The following EFNA2 variants were observed in gnomAD, a reference collection of about 807,000 sequenced individuals.
The protein encoded by EFNA2 is ephrin-A2.
EFNA2 carries 18 observed loss-of-function variants against 19.7 expected under a neutral mutation model. The observed-to-expected ratio is 0.91, with a 90% CI of 0.63 to 1.35. The LOEUF is 1.35. EFNA2 is among the 40% of genes most tolerant of loss of function. EFNA2 has a pLI of 0.00. For missense variants in EFNA2, 303 were observed against 296.0 expected (o/e 1.02, Z -0.17); for synonymous variants, 187 against 137.8 (o/e 1.36, Z -2.50).
At position 1,294,019 on chromosome 19, in the gene EFNA2, G is replaced by A. The variant is rs940769002; in HGVS notation, c.141-1526G>A. 2.0e-5 allele frequency among the ~76,000 whole-genome samples: 3 copies of A among 152,224 alleles called. No homozygotes were observed. The highest frequency in any genetic ancestry group is 7.2e-5 in the African/African-American group (3 of 41,462). ...TGCGGCGGGCTCACCCCTGCAGGCC[G>A]GGGTGGCGGTGGCTGTGCCGGGCTA... On this transcript the variant is annotated intron_variant, in intron 1 of 3. Transcript: ENST00000215368. This position sits in a 1 kb window ranked among gnomAD's most constrained non-coding sequence, Gnocchi z 5.8.
At chr19:1,292,393 C>T (rs182028970) in intron 1 of EFNA2, among the ~76,000 whole-genome samples, 1 of 152,384 alleles carries the variant, frequency 6.6e-6, no homozygotes, top group East Asian at 1.9e-4. Context: ...AAAGTCCTCG[C>T]CTCTTGACCT....
Position 1,286,257 on chromosome 19 carries a change from C to T in EFNA2, c.89C>T (p.Ala30Val), listed in dbSNP as rs2144609571. 3 of 1,127,990 alleles carry T rather than the reference C, an allele frequency of 2.7e-6. No individual in the cohort carries two copies. Among genetic ancestry groups the T allele is most frequent in the African/African-American group, 3.4e-5 (2 of 59,082 alleles). 69.9% of individuals were successfully genotyped at this position (1,127,990 alleles called of 1,614,324 possible). Residue 30 changes from alanine to valine, a missense_variant, in exon 1 of 4, where the codon GCC becomes GTC. Coordinates refer to ENST00000215368, the MANE Select transcript of EFNA2 (RefSeq NM_001405.4). This position sits in a 1 kb window ranked among gnomAD's most constrained non-coding sequence, Gnocchi z 5.6. Reference protein sequence around the residue: ...PPPFARAEDAARANSDRYAVY... With the variant: ...PPPFARAEDAVRANSDRYAVY... ...CCCTTCGCGCGCGCCGAGGACGCCG[C>T]CCGCGCCAACTCGGACCGCTACGCC...
Position 1,294,974 on chromosome 19 carries a change from A to G in EFNA2, c.141-571A>G, listed in dbSNP as rs2081507250. ...AGGGACAGCTCGTGCAGAGGCCCGG[A>G]GTCAGGAACCCCCCGCCGGCCCTTT... On this transcript the variant is annotated intron_variant, in intron 1 of 3. Coordinates refer to ENST00000215368, the MANE Select transcript of EFNA2 (RefSeq NM_001405.4). The surrounding 1 kb of genome is among the most constrained non-coding windows in gnomAD (Gnocchi z 5.8). Among the ~76,000 whole-genome samples, 1 of 152,044 alleles carries G rather than the reference A, an allele frequency of 6.6e-6. No homozygotes were observed. Among genetic ancestry groups the G allele is most frequent in the African/African-American group, 2.4e-5 (1 of 41,386 alleles).
Position 1,299,820 on chromosome 19 carries a change from G to A in EFNA2, c.521-4G>A, listed in dbSNP as rs745610103. On this transcript the variant is annotated splice_polypyrimidine_tract_variant and splice_region_variant and intron_variant, in intron 3 of 3. Coordinates refer to ENST00000215368, the MANE Select transcript of EFNA2 (RefSeq NM_001405.4). ...GCTGAGCGTGCTGTCTCTGCCACCC[G>A]CAGACGAGACCCTGTACGAGGCTCC... 5.9e-5 allele frequency: 94 copies of A among 1,597,936 alleles called. No individual in the cohort carries two copies. Among genetic ancestry groups the A allele is most frequent in the Non-Finnish European group, 7.4e-5 (87 of 1,175,766 alleles).
At chr19:1,291,872 C>A (rs1051325474) in intron 1 of EFNA2, among the ~76,000 whole-genome samples, 25 of 152,346 alleles carry the variant, frequency 1.6e-4, no homozygotes, top group Non-Finnish European at 1.8e-4. Context: ...CTGGGTGAGC[C>A]TCTGCCTGGG....
chr19:1,299,994 C>T lies in EFNA2; in HGVS notation c.*49C>T, dbSNP rs1224470150. On this transcript the variant is annotated 3_prime_UTR_variant, in exon 4 of 4. Coordinates refer to ENST00000215368, the MANE Select transcript of EFNA2 (RefSeq NM_001405.4). The stretch of plus-strand genomic sequence containing the variant: ...CCTGCCTGGACGGCCCCGCCTGGAC[C>T]GCCTGACCTCGGCCCTCCGGACCCG... The T allele has an allele frequency of 7.7e-6, 12 of 1,552,208 alleles. No homozygotes were observed. Among genetic ancestry groups the T allele is most frequent in the Non-Finnish European group, 1.0e-5 (12 of 1,155,350 alleles).
chr19:1,290,613 G>T (rs11880602), intron 1 of EFNA2, among the ~76,000 whole-genome samples: 1 of 152,152 alleles, frequency 6.6e-6, no homozygotes, highest in Admixed American at 6.5e-5. Context: ...GTCCTGCCCC[G>T]GTGGCCGTGT....
At chr19:1,298,405 G>A (rs2081525553) in intron 2 of EFNA2, 146 bp from the exon 3 acceptor site, 1 of 703,340 alleles carries the variant, frequency 1.4e-6, no homozygotes, top group East Asian at 2.7e-5. Context: ...TGTGTCTGGG[G>A]CTTTGATGTA....
In EFNA2 at chr19:1,297,193, C is replaced by T. The variant is rs1166616779; in HGVS notation, c.454+1335C>T. Reference sequence around the variant, plus strand: ...GGGAGTCAGGGATCTGGGGTCTGTGCCCCCAGGCTGCAGGGGGGCCAGTGC... The same window carrying T: ...GGGAGTCAGGGATCTGGGGTCTGTGTCCCCAGGCTGCAGGGGGGCCAGTGC... On this transcript the variant is annotated intron_variant, in intron 2 of 3. Coordinates refer to ENST00000215368, the MANE Select transcript of EFNA2 (RefSeq NM_001405.4). This position sits in a 1 kb window ranked among gnomAD's most constrained non-coding sequence, Gnocchi z 5.0. Among the ~76,000 whole-genome samples the T allele has an allele frequency of 6.6e-6, 1 of 152,046 alleles. No homozygotes were observed. The highest frequency in any genetic ancestry group is 2.4e-5 in the African/African-American group (1 of 41,382).
chr19:1,296,277 G>T lies in EFNA2; in HGVS notation c.454+419G>T, dbSNP rs1271261493. 6.6e-6 allele frequency among the ~76,000 whole-genome samples: 1 copy of T among 152,194 alleles called. No individual in the cohort carries two copies. The highest frequency in any genetic ancestry group is 1.5e-5 in the Non-Finnish European group (1 of 68,026). ...AGACCACTTGGTGGTTGGGCCAGTA[G>T]ACCTGGCTCAGCCCCCCGATAGCGA... On this transcript the variant is annotated intron_variant, in intron 2 of 3. Transcript: ENST00000215368. This position sits in a 1 kb window ranked among gnomAD's most constrained non-coding sequence, Gnocchi z 4.4.
Position 1,294,248 on chromosome 19 carries a change from G to A in EFNA2, c.141-1297G>A, listed in dbSNP as rs567861738. Among the ~76,000 whole-genome samples, 1 of 152,354 alleles carries A rather than the reference G, an allele frequency of 6.6e-6. No homozygotes were observed. The highest frequency in any genetic ancestry group is 2.1e-4 in the South Asian group (1 of 4,834). ...GTGCCCCGCTTGGTCCAGGCCGCCG[G>A]TTACATGACAGGGGCCCTGGGGACC... On this transcript the variant is annotated intron_variant, in intron 1 of 3. Coordinates refer to ENST00000215368, the MANE Select transcript of EFNA2 (RefSeq NM_001405.4). The surrounding 1 kb of genome is among the most constrained non-coding windows in gnomAD (Gnocchi z 5.8).
intron 2 of EFNA2, 71 bp from the exon 3 acceptor site, chr19:1,298,480 G>A: frequency 6.6e-7 from 1 of 1,519,494 alleles, no homozygotes; most frequent in South Asian, 1.2e-5. Context: ...GGTGGGGAAG[G>A]GAGTACAGCC....
Position 1,296,380 on chromosome 19 carries a change from T to C in EFNA2, c.454+522T>C, listed in dbSNP as rs1475565641. 1.3e-5 allele frequency among the ~76,000 whole-genome samples: 2 copies of C among 152,020 alleles called. No individual in the cohort carries two copies. The highest frequency in any genetic ancestry group is 3.9e-4 in the East Asian group (2 of 5,176). ...AGCCCAGCAGGGGAGGGGAGCTTGG[T>C]GGAAGCCACAGCTAGGCTGAGTGCT... is the stretch of plus-strand genomic sequence containing the variant. On this transcript the variant is annotated intron_variant, in intron 2 of 3. Coordinates refer to ENST00000215368, the MANE Select transcript of EFNA2 (RefSeq NM_001405.4). The surrounding 1 kb of genome is among the most constrained non-coding windows in gnomAD (Gnocchi z 4.4).
chr19:1,289,253 G>A (rs992644716), intron 1 of EFNA2, among the ~76,000 whole-genome samples: 5 of 152,274 alleles, frequency 3.3e-5, no homozygotes, highest in African/African-American at 4.8e-5. Flanking sequence ...TTGCATGTGC[G>A]TGCCCTTGCA....
rs1216514775 is a variant in EFNA2, at chr19:1,299,955, C to T, written c.*10C>T. The T allele has an allele frequency of 6.3e-7, 1 of 1,594,080 alleles. No homozygotes were observed. The highest frequency in any genetic ancestry group is 1.3e-5 in the African/African-American group (1 of 74,726). On this transcript the variant is annotated 3_prime_UTR_variant, in exon 4 of 4. Coordinates refer to ENST00000215368, the MANE Select transcript of EFNA2 (RefSeq NM_001405.4). ...CCTCCTGGGTTCCTAGTCCCAGCCC[C>T]GCAGGACGCCGACCCTGCCTGGACG...
chr19:1,300,162 C>G lies in EFNA2; in HGVS notation c.*217C>G, dbSNP rs1372392241. 1.8e-6 allele frequency: 1 copy of G among 559,476 alleles called. No individual in the cohort carries two copies. The highest frequency in any genetic ancestry group is 2.9e-6 in the Non-Finnish European group (1 of 348,064). 34.7% of individuals were successfully genotyped at this position (559,476 alleles called of 1,614,324 possible). Reference sequence around the variant, plus strand: ...GGCCGAGAGCCCCCCCCCGGAGGCCCGAGGGGCCGGGGTGTGGATGCGGAC... The same window carrying G: ...GGCCGAGAGCCCCCCCCCGGAGGCCGGAGGGGCCGGGGTGTGGATGCGGAC... On this transcript the variant is annotated 3_prime_UTR_variant, in exon 4 of 4. Coordinates refer to ENST00000215368, the MANE Select transcript of EFNA2 (RefSeq NM_001405.4).
In EFNA2 at chr19:1,286,298, A is replaced by G; in HGVS notation, c.130A>G (p.Ser44Gly). ...SDRYAVYWNRSNPRFHAGAGD... is the reference protein window; with the variant it reads ...SDRYAVYWNRGNPRFHAGAGD... ...CCGCTACGCCGTCTACTGGAACCGC[A>G]GCAACCCCAGGTGAGCGCGGCCGCG... is the stretch of plus-strand genomic sequence containing the variant. The change falls in exon 1 of 4, where the codon AGC becomes GGC. Residue 44 changes from serine to glycine, a missense_variant. Physicochemically the swap from Ser to Gly is moderately conservative, Grantham distance 56. Coordinates refer to ENST00000215368, the MANE Select transcript of EFNA2 (RefSeq NM_001405.4). This position sits in a 1 kb window ranked among gnomAD's most constrained non-coding sequence, Gnocchi z 5.6. The G allele has an allele frequency of 9.6e-7, 1 of 1,038,746 alleles. No individual in the cohort carries two copies. The highest frequency in any genetic ancestry group is 1.2e-6 in the Non-Finnish European group (1 of 862,256). 64.3% of individuals were successfully genotyped at this position (1,038,746 alleles called of 1,614,324 possible).
At position 1,294,216 on chromosome 19, in the gene EFNA2, C is replaced by A. The variant is rs902843737; in HGVS notation, c.141-1329C>A. Among the ~76,000 whole-genome samples the A allele has an allele frequency of 1.4e-4, 22 of 152,348 alleles. No homozygotes were observed. The South Asian group carries it at 3.5e-3, about 24-fold the overall frequency. ...TGTGCTAATAAGCCCCTCTCAGGGCCCCCCTCGTGCCCCGCTTGGTCCAGG... is the reference window on the plus strand; with the variant it reads ...TGTGCTAATAAGCCCCTCTCAGGGCACCCCTCGTGCCCCGCTTGGTCCAGG... On this transcript the variant is annotated intron_variant, in intron 1 of 3. Coordinates refer to ENST00000215368, the MANE Select transcript of EFNA2 (RefSeq NM_001405.4). This position sits in a 1 kb window ranked among gnomAD's most constrained non-coding sequence, Gnocchi z 5.8.
In EFNA2 at chr19:1,294,947, G is replaced by A. The variant is rs1014590463; in HGVS notation, c.141-598G>A. Among the ~76,000 whole-genome samples, 4 of 152,094 alleles carry A rather than the reference G, an allele frequency of 2.6e-5. No homozygotes were observed. The highest frequency in any genetic ancestry group is 9.7e-5 in the African/African-American group (4 of 41,390). The stretch of plus-strand genomic sequence containing the variant: ...AAGTTTCTGGAGAGGGAATTCTTGT[G>A]GAGGGACAGCTCGTGCAGAGGCCCG... On this transcript the variant is annotated intron_variant, in intron 1 of 3. Transcript: ENST00000215368. The surrounding 1 kb of genome is among the most constrained non-coding windows in gnomAD (Gnocchi z 5.8).
Sources: allele counts gnomAD v4.1 joint callset (sites outside exome capture counted in the v4.1 genomes callset), GRCh38; gene constraint gnomAD v4.1.1; non-coding constraint Gnocchi (gnomAD v3.1); transcripts MANE v1.5; gene names NCBI Gene and HGNC (gene_info 2026-07-23, HGNC 2026-07-21).